Variants in INPP4B observed in about 807,000 individuals in gnomAD.
The protein encoded by INPP4B is inositol polyphosphate-4-phosphatase type II B.
A neutral mutation model predicts 122.5 loss-of-function variants in INPP4B; 55 were observed. That is an observed-to-expected ratio of 0.45 (90% CI 0.36 to 0.56). The LOEUF (loss-of-function observed/expected upper bound fraction) is 0.56, where lower values mean the gene tolerates loss of function less well. Ranked by LOEUF, INPP4B falls within the 20% of genes least tolerant of loss-of-function variation. The pLI is 0.00. For missense variants in INPP4B, 1,000 were observed against 1,097.7 expected (o/e 0.91, Z 1.26); for synonymous variants, 403 against 388.7 (o/e 1.04, Z -0.43).
intron 15 of INPP4B, among the ~76,000 whole-genome samples, chr4:142,184,199 G>A (rs1832121257): frequency 6.6e-6 from 1 of 152,128 alleles, no homozygotes; most frequent in East Asian, 1.9e-4. Context: ...CTTTTGGACA[G>A]GTTGTTGGAA....
intron 2 of INPP4B, among the ~76,000 whole-genome samples, chr4:142,541,557 T>C (rs1828944338): frequency 6.6e-6 from 1 of 152,192 alleles, no homozygotes; most frequent in African/African-American, 2.4e-5. Context: ...ATCAATTTAT[T>C]GCCTCACAAC....
At chr4:142,809,008 T>C (rs28608029) in intron 1 of INPP4B, among the ~76,000 whole-genome samples, 5,277 of 152,156 alleles carry the variant, frequency 0.035, 91 homozygotes, top group South Asian at 0.052. Flanking sequence ...TTTGCAGGAA[T>C]CTTTGTATAT....
chr4:142,215,892 CAAAAAAAAAAAAAAAAAAAAAAA>C (rs200657873), intron 12 of INPP4B, among the ~76,000 whole-genome samples: 1,337 of 54,564 alleles, frequency 0.025, 23 homozygotes, highest in African/African-American at 0.092. Context: ...GACTCTGTCT[CAAAAAAAAAAAAAAAAAAAAAAA>C]AAAAAAAAAA....
intron 2 of INPP4B, among the ~76,000 whole-genome samples, chr4:142,679,279 C>G (rs1407130306): frequency 1.3e-5 from 2 of 151,878 alleles, no homozygotes; most frequent in African/African-American, 4.8e-5. Context: ...ACCTCAAAGG[C>G]TTGACAAGAC....
chr4:142,123,150 C>CA (rs1797262578), intron 20 of INPP4B, 142 bp downstream of exon 20: 5 of 638,728 alleles, frequency 7.8e-6, no homozygotes, highest in African/African-American at 1.9e-5. Context: ...AAGGTGAATG[C>CA]AAAAAACTGA....
At position 142,477,800 on chromosome 4, in the gene INPP4B, T is replaced by C. The variant is rs118042665; in HGVS notation, c.-190-15074A>G. Among the ~76,000 whole-genome samples, 542 of 152,020 alleles carry C rather than the reference T, an allele frequency of 3.6e-3. 10 individuals carry two copies. The highest frequency in any genetic ancestry group is 4.3e-3 in the East Asian group (22 of 5,156). On this transcript the variant is annotated intron_variant, in intron 2 of 25. Transcript: ENST00000262992. ...TCAGTAATACAAATCCTACCAAACA[T>C]AAAAAGCCCAGGACCAGATGGATTC... is the stretch of plus-strand genomic sequence containing the variant.
chr4:142,491,375 A>T (rs1405214282), intron 2 of INPP4B, among the ~76,000 whole-genome samples: 2 of 152,178 alleles, frequency 1.3e-5, no homozygotes, highest in Admixed American at 6.6e-5. Flanking sequence ...AAACACAGGC[A>T]ACTAAAGCCT....
intron 2 of INPP4B, among the ~76,000 whole-genome samples, chr4:142,537,421 TATATATATAGAGAGAGAGAGAGAGAGAG>T (rs1363236507): frequency 1.2e-3 from 63 of 52,850 alleles, no homozygotes; most frequent in African/African-American, 3.9e-3. Flanking sequence ...TATATATATA[TATATATATAGAGAGAGAGAGAGAGAGAG>T]AGAGAGAGAG....
rs192263518 is a variant in INPP4B at position 142,273,500 on chromosome 4, C to A, written c.504-2726G>T. On this transcript the variant is annotated intron_variant, in intron 9 of 25. Coordinates refer to ENST00000262992, the MANE Select transcript of INPP4B (RefSeq NM_001101669.3). ...TAGAAGTGCAGAGAACACAAATTTA[C>A]TAATTATAATGCAAGTGAATCATTC... Among the ~76,000 whole-genome samples, 192 of 151,906 alleles carry A rather than the reference C, an allele frequency of 1.3e-3. 1 individual carries two copies. The highest frequency in any genetic ancestry group is 6.8e-3 in the Middle Eastern group (2 of 294).
chr4:142,252,424 G>A (rs1042091246), intron 11 of INPP4B, among the ~76,000 whole-genome samples: 13 of 152,044 alleles, frequency 8.6e-5, no homozygotes, highest in East Asian at 3.9e-4. Context: ...TCCTGACCTC[G>A]TGATCCGCCC....
At chr4:142,550,268 T>C (rs971140307) in intron 2 of INPP4B, among the ~76,000 whole-genome samples, 3 of 152,148 alleles carry the variant, frequency 2.0e-5, no homozygotes, top group Non-Finnish European at 4.4e-5. Context: ...TTCTTTCCTG[T>C]AGTGCCAGAA....
At chr4:142,790,137 A>G (rs1776336046) in intron 1 of INPP4B, among the ~76,000 whole-genome samples, 1 of 152,188 alleles carries the variant, frequency 6.6e-6, no homozygotes, top group Non-Finnish European at 1.5e-5. Flanking sequence ...TCTAGAAGAT[A>G]ACATTGGAAA....
chr4:142,116,239 G>A lies in INPP4B; in HGVS notation c.2136-3557C>T, dbSNP rs899864685. ...GAGACTTTAACACCTCACTCTCAAC[G>A]TTAGACAGATCAAGGAGACAGAAAG... is the stretch of plus-strand genomic sequence containing the variant. On this transcript the variant is annotated intron_variant, in intron 21 of 25. Transcript: ENST00000262992. Among the ~76,000 whole-genome samples the A allele has an allele frequency of 5.9e-5, 9 of 152,062 alleles. No homozygotes were observed. The East Asian group carries it at 9.7e-4, about 16-fold the overall frequency.
chr4:142,333,115 G>A (rs1426309947), intron 7 of INPP4B, among the ~76,000 whole-genome samples: 1 of 151,808 alleles, frequency 6.6e-6, no homozygotes, highest in Non-Finnish European at 1.5e-5. Flanking sequence ...AGCCAATCTA[G>A]GACCCACTCC....
chr4:142,289,258 C>G (rs929574286), intron 9 of INPP4B, among the ~76,000 whole-genome samples: 1 of 152,190 alleles, frequency 6.6e-6, no homozygotes, highest in East Asian at 1.9e-4. Flanking sequence ...AAATACTTTT[C>G]TAGGCCTTCC....
chr4:142,377,846 C>A (rs1792560761), intron 7 of INPP4B, among the ~76,000 whole-genome samples: 1 of 152,004 alleles, frequency 6.6e-6, no homozygotes, highest in Non-Finnish European at 1.5e-5. Context: ...CCCTGGTGCA[C>A]CAGCATAAGC....
At chr4:142,286,778 T>A (rs904326351) in intron 9 of INPP4B, 1 of 152,190 alleles carries the variant, frequency 6.6e-6, no homozygotes, top group Admixed American at 6.5e-5. Flanking sequence ...CATCTAATTT[T>A]AAAAAATTTA....
At chr4:142,461,897 T>C (rs182537557) in intron 3 of INPP4B, among the ~76,000 whole-genome samples, 220 of 152,078 alleles carry the variant, frequency 1.4e-3, no homozygotes, top group African/African-American at 5.2e-3. Flanking sequence ...GAAGACCAAA[T>C]GACATCACAC....
intron 25 of INPP4B, among the ~76,000 whole-genome samples, chr4:142,051,457 T>G (rs1215286106): frequency 2.6e-5 from 4 of 152,032 alleles, no homozygotes; most frequent in Non-Finnish European, 4.4e-5. Flanking sequence ...GCTAGCAACA[T>G]GCTATTTCTT....
Sources: gnomAD v4.1 joint callset for allele counts (sites outside exome capture counted in the v4.1 genomes callset) on GRCh38, gnomAD v4.1.1 for gene constraint, MANE v1.5 for transcripts, NCBI Gene and HGNC (gene_info 2026-07-23, HGNC 2026-07-21) for gene names.